The following KCNK18 variants were observed in gnomAD, a reference collection of about 807,000 sequenced individuals.
KCNK18 encodes potassium two pore domain channel subfamily K member 18, also known as potassium channel subfamily K member 18.
A neutral mutation model predicts 11.8 loss-of-function variants in KCNK18; 8 were observed. The observed-to-expected ratio is 0.68, with a 90% confidence interval of 0.40 to 1.22. The LOEUF (loss-of-function observed/expected upper bound fraction) is 1.22, where lower values mean the gene tolerates loss of function less well. KCNK18 is among the 50% of genes most tolerant of loss of function. KCNK18 has a pLI of 0.01. For synonymous variants in KCNK18, 208 were observed against 185.8 expected (o/e 1.12, Z -0.97); for missense variants, 442 against 465.4 (o/e 0.95, Z 0.46).
At chr10:117,205,336 A>G (rs577099090) in intron 2 of KCNK18, among the ~76,000 whole-genome samples, 2 of 152,354 alleles carry the variant, frequency 1.3e-5, no homozygotes, top group Admixed American at 1.3e-4. Flanking sequence ...AATAGTTAAT[A>G]CATTCCCTTT....
chr10:117,202,987 G>A (rs2420311), intron 2 of KCNK18, among the ~76,000 whole-genome samples: 1 of 138,342 alleles, frequency 7.2e-6, no homozygotes, highest in African/African-American at 2.7e-5. Flanking sequence ...AGTGATTCTT[G>A]TGTCTCAGTC....
At chr10:117,200,349 A>G (rs542224375) in intron 1 of KCNK18, among the ~76,000 whole-genome samples, 2 of 152,318 alleles carry the variant, frequency 1.3e-5, no homozygotes, top group South Asian at 2.1e-4. Flanking sequence ...AAGTGTTGCA[A>G]TTATAGGCGT....
intron 2 of KCNK18, among the ~76,000 whole-genome samples, chr10:117,204,605 G>A (rs1855056293): frequency 6.6e-6 from 1 of 152,218 alleles, no homozygotes; most frequent in Non-Finnish European, 1.5e-5. Context: ...GAACTTGATA[G>A]AAATGCAAAT....
rs1172781723 is a variant in KCNK18, at chr10:117,209,697, C to T, written c.553C>T (p.Leu185Phe). The T allele has an allele frequency of 5.0e-6, 8 of 1,613,910 alleles. No individual in the cohort carries two copies. The African/African-American group carries it at 1.1e-4, about 22-fold the overall frequency. Reference sequence around the variant, plus strand: ...CCTCTCCAAGTGGTGCCCCAAATCTCTCTTCAAGAAAAAACCGGACCCCAA... The same window carrying T: ...CCTCTCCAAGTGGTGCCCCAAATCTTTCTTCAAGAAAAAACCGGACCCCAA... Reference protein sequence around the residue: ...PLLSKWCPKSLFKKKPDPKPA... With the variant: ...PLLSKWCPKSFFKKKPDPKPA... The change falls in exon 3 of 3, where the codon CTC (leucine) becomes TTC (phenylalanine). Residue 185 changes from leucine to phenylalanine, a missense_variant. Leu to Phe is a conservative substitution (Grantham distance 22). Transcript: ENST00000334549.
chr10:117,197,638 G>A lies in KCNK18; in HGVS notation c.150G>A (p.Leu50=). The change falls in exon 1 of 3, where the codon CTG becomes CTA. Residue 50 remains leucine, a synonymous_variant. Coordinates refer to ENST00000334549, the MANE Select transcript of KCNK18 (RefSeq NM_181840.1). ...CTGCCATTGAGGACGGCCAGGTCCT[G>A]GTGGCAGCAGATGATGGAGAGTTTG... The part of the protein sequence containing the change: ...VFSAIEDGQV[L]VAADDGEFEK... 1 of 1,614,202 alleles carries A rather than the reference G, an allele frequency of 6.2e-7. No individual in the cohort carries two copies. The highest frequency in any genetic ancestry group is 1.1e-5 in the South Asian group (1 of 91,072).
chr10:117,204,212 T>C (rs139480654), intron 2 of KCNK18, among the ~76,000 whole-genome samples: 6,281 of 146,362 alleles, frequency 0.043, 416 homozygotes, highest in African/African-American at 0.15. Context: ...CAGTGAGCCA[T>C]GATCGCGCCA....
At position 117,209,686 on chromosome 10, in the gene KCNK18, G is replaced by C. The variant is rs568389309; in HGVS notation, c.542G>C (p.Cys181Ser). Residue 181 changes from cysteine to serine, a missense_variant, in exon 3 of 3, where the codon TGC (cysteine) becomes TCC (serine). Physicochemically the swap from Cys to Ser is moderately radical, Grantham distance 112 (BLOSUM62 -1). Transcript: ENST00000334549. ...FFTRPLLSKW[C>S]PKSLFKKKPD... ...ACCCGCCCCCTCCTCTCCAAGTGGT[G>C]CCCCAAATCTCTCTTCAAGAAAAAA... is the stretch of plus-strand genomic sequence containing the variant. 6.2e-7 allele frequency: 1 copy of C among 1,613,802 alleles called. No individual in the cohort carries two copies. The highest frequency in any genetic ancestry group is 8.5e-7 in the Non-Finnish European group (1 of 1,179,988).
rs750157980 is a variant in KCNK18 at position 117,202,885 on chromosome 10, G to GTTTTTTTTTTTTTTTTTTTTTTT, written c.352+1598_352+1599insTTTTTTTTTTTTTTTTTTTTTTT. Among the ~76,000 whole-genome samples, 14 of 111,292 alleles carry GTTTTTTTTTTTTTTTTTTTTTTT rather than the reference G, an allele frequency of 1.3e-4. 5 individuals are homozygous for GTTTTTTTTTTTTTTTTTTTTTTT. The highest frequency in any genetic ancestry group is 1.0e-4 in the Admixed American group (1 of 9,524). The allele number at this position is 111,292 out of a possible 152,430, so 73.0% of individuals were successfully genotyped here. A position where few individuals can be genotyped will look rare whatever the true frequency, so the allele number is the denominator to read the frequency against. ...CGTGGTTTCTCCCATTTGCCTGAAT[G>GTTTTTTTTTTTTTTTTTTTTTTT]CTTTTTTTTTTTTTTTTTTTTTTGA... On this transcript the variant is annotated intron_variant, in intron 2 of 2. Transcript: ENST00000334549.
rs577238765 is a variant in KCNK18 at position 117,199,840 on chromosome 10, T to C, written c.224-1319T>C. On this transcript the variant is annotated intron_variant, in intron 1 of 2. Transcript: ENST00000334549. ...CTGCTGCATGCCAGGTTCAGTGCCA[T>C]TCTCTTAAAGCCGAACAAGTCTAGC... Among the ~76,000 whole-genome samples the C allele has an allele frequency of 1.4e-4, 22 of 152,318 alleles. No homozygotes were observed. In the South Asian group the frequency reaches 4.3e-3, roughly 30 times the overall value.
chr10:117,197,767 C>A, intron 1 of KCNK18, 56 bp downstream of exon 1: 1 of 1,499,270 alleles, frequency 6.7e-7, no homozygotes, highest in Non-Finnish European at 9.2e-7. Flanking sequence ...AGCAGTCCCC[C>A]AAGAGCAGAG....
rs751485230 is a variant in KCNK18 at position 117,209,790 on chromosome 10, A to T, written c.646A>T (p.Thr216Ser). The T allele has an allele frequency of 9.9e-6, 16 of 1,614,134 alleles. No homozygotes were observed. Among genetic ancestry groups the T allele is most frequent in the Non-Finnish European group, 1.3e-5 (15 of 1,180,034 alleles). Residue 216 changes from threonine (T) to serine (S), a missense_variant, in exon 3 of 3, where the codon ACA becomes TCA. Coordinates refer to ENST00000334549, the MANE Select transcript of KCNK18 (RefSeq NM_181840.1). ...AGAGCTTCCAGGCCCCAAACTTGGC[A>T]CATGTCCTTCACGCCCAAGCTGCAG... is the stretch of plus-strand genomic sequence containing the variant. ...AEELPGPKLG[T>S]CPSRPSCSME... is the part of the protein sequence containing the mutation.
At chr10:117,207,427 T>G (rs149408735) in intron 2 of KCNK18, among the ~76,000 whole-genome samples, 10 of 152,192 alleles carry the variant, frequency 6.6e-5, no homozygotes, top group African/African-American at 9.7e-5. Flanking sequence ...TTAGTGTGGT[T>G]TTTAAAATTA....
rs767355039 is a variant in KCNK18, at chr10:117,209,972, G to A, written c.828G>A (p.Val276=). 1.4e-5 allele frequency: 22 copies of A among 1,614,178 alleles called. No individual in the cohort carries two copies. Among genetic ancestry groups the A allele is most frequent in the Non-Finnish European group, 1.8e-5 (21 of 1,180,036 alleles). ...ISNLDEVGQQ[V]ERLDIPLPII... is the part of the protein sequence containing the mutation. Reference sequence around the variant, plus strand: ...ACCTGGATGAAGTTGGACAGCAGGTGGAGAGGTTGGACATCCCCCTCCCCA... The same window carrying A: ...ACCTGGATGAAGTTGGACAGCAGGTAGAGAGGTTGGACATCCCCCTCCCCA... The change falls in exon 3 of 3, where the codon GTG becomes GTA. Residue 276 remains valine, a synonymous_variant. Coordinates refer to ENST00000334549, the MANE Select transcript of KCNK18 (RefSeq NM_181840.1).
chr10:117,204,794 T>C (rs953029405), intron 2 of KCNK18, among the ~76,000 whole-genome samples: 4 of 152,204 alleles, frequency 2.6e-5, no homozygotes, highest in Non-Finnish European at 5.9e-5. Context: ...GTGTGGACCC[T>C]GCCCTAGAAC....
chr10:117,208,035 TC>T (rs1426716946), intron 2 of KCNK18, among the ~76,000 whole-genome samples: 2 of 152,070 alleles, frequency 1.3e-5, no homozygotes, highest in Non-Finnish European at 2.9e-5. Flanking sequence ...GGGGAGGGGC[TC>T]CCGACGGGGA....
At position 117,208,797 on chromosome 10, in the gene KCNK18, A is replaced by G. The variant is rs188762633; in HGVS notation, c.353-700A>G. Among the ~76,000 whole-genome samples the G allele has an allele frequency of 1.5e-4, 22 of 151,134 alleles. No individual in the cohort carries two copies. The East Asian group carries it at 4.1e-3, about 28-fold the overall frequency. ...CTCTTGTCCCCTAGGCTGGAGTGCA[A>G]TGGCACAATCTTGGCTCACTGCAAC... On this transcript the variant is annotated intron_variant, in intron 2 of 2. Coordinates refer to ENST00000334549, the MANE Select transcript of KCNK18 (RefSeq NM_181840.1).
intron 2 of KCNK18, among the ~76,000 whole-genome samples, chr10:117,201,962 A>G (rs1855018014): frequency 6.6e-6 from 1 of 152,204 alleles, no homozygotes. Context: ...GGGCCAAACC[A>G]GGCCAGGCAG....
intron 2 of KCNK18, among the ~76,000 whole-genome samples, chr10:117,206,474 G>C (rs1452626577): frequency 2.0e-5 from 3 of 152,140 alleles, no homozygotes; most frequent in African/African-American, 7.2e-5. Flanking sequence ...CATCGACAAA[G>C]ACCCACTTAC....
At chr10:117,206,529 ATATTTGG>A (rs1403845288) in intron 2 of KCNK18, among the ~76,000 whole-genome samples, 1 of 152,116 alleles carries the variant, frequency 6.6e-6, no homozygotes, top group Admixed American at 6.5e-5. Flanking sequence ...GGACTTGGCT[ATATTTGG>A]GGGCTGTCAT....
Sources: gnomAD v4.1 joint callset for allele counts (sites outside exome capture counted in the v4.1 genomes callset) on GRCh38, gnomAD v4.1.1 for gene constraint, MANE v1.5 for transcripts, NCBI Gene and HGNC (gene_info 2026-07-23, HGNC 2026-07-21) for gene names.